DKK2: variants seen among roughly 807,000 people sequenced by gnomAD.
The protein encoded by DKK2 is dickkopf Wnt signaling pathway inhibitor 2, also known as dickkopf-related protein 2.
In DKK2, 11 loss-of-function variants were observed where a neutral mutation model predicts 28.1. The observed-to-expected ratio is 0.39, with a 90% CI of 0.25 to 0.65. The LOEUF is 0.65. Among genes scored for constraint, DKK2 ranks in the 30% least tolerant of loss-of-function variants. DKK2 has a pLI of 0.47. For missense variants in DKK2, 326 were observed against 335.5 expected, an observed-to-expected ratio of 0.97 and a Z score of 0.22; for synonymous variants, 135 against 126.5, an observed-to-expected ratio of 1.07 and a Z score of -0.45.
At chr4:106,963,179 C>A (rs1029708249) in intron 1 of DKK2, among the ~76,000 whole-genome samples, 5 of 151,848 alleles carry the variant, frequency 3.3e-5, no homozygotes, top group Admixed American at 6.6e-5. Flanking sequence ...ACAGTGAAAA[C>A]CCGTCTCTAC....
At chr4:107,020,379 T>G (rs1022648055) in intron 1 of DKK2, among the ~76,000 whole-genome samples, 1 of 152,046 alleles carries the variant, frequency 6.6e-6, no homozygotes, top group East Asian at 1.9e-4. Context: ...TGGAAAGTGA[T>G]GGGAAGACAG....
chr4:106,950,078 G>A (rs1200224348), intron 1 of DKK2, among the ~76,000 whole-genome samples: 4 of 152,120 alleles, frequency 2.6e-5, no homozygotes, highest in African/African-American at 9.7e-5. Context: ...TTACAAACTG[G>A]AATGTCAAGA....
Position 107,035,521 on chromosome 4 carries a change from T to G in DKK2, c.71A>C (p.Glu24Ala). The G allele has an allele frequency of 6.2e-7, 1 of 1,614,194 alleles. No individual in the cohort carries two copies. The highest frequency in any genetic ancestry group is 8.5e-7 in the Non-Finnish European group (1 of 1,180,052). ...LLLLAAVLMV[E>A]SSQIGSSRAK... ...CCGCGAACTGCCGATCTGTGAGCTC[T>G]CCACCATCAGCACCGCGGCCAGTAG... The change falls in exon 1 of 4, where the codon GAG becomes GCG. Residue 24 changes from glutamate (E) to alanine (A), a missense_variant. Transcript: ENST00000285311.
intron 1 of DKK2, among the ~76,000 whole-genome samples, chr4:106,986,743 T>A (rs924774301): frequency 1.7e-4 from 26 of 152,300 alleles, no homozygotes; most frequent in African/African-American, 6.0e-4. Context: ...ATTCTAAATA[T>A]GGAGAGCCTG....
chr4:106,978,432 C>T (rs1398327348), intron 1 of DKK2, among the ~76,000 whole-genome samples: 1 of 152,140 alleles, frequency 6.6e-6, no homozygotes, highest in East Asian at 1.9e-4. Flanking sequence ...TTCATAGTTG[C>T]CCTGCCCAGA....
chr4:107,026,987 T>C (rs1723789935), intron 1 of DKK2, among the ~76,000 whole-genome samples: 2 of 152,090 alleles, frequency 1.3e-5, no homozygotes, highest in Non-Finnish European at 2.9e-5. Context: ...TGCTCACATT[T>C]ATAAGTAGAT....
intron 1 of DKK2, among the ~76,000 whole-genome samples, chr4:107,028,117 CTTAA>C (rs1242769137): frequency 1.8e-4 from 27 of 152,288 alleles, no homozygotes; most frequent in Admixed American, 5.9e-4. Context: ...CCACTAATTA[CTTAA>C]TTATTTGCCA....
intron 1 of DKK2, among the ~76,000 whole-genome samples, chr4:106,947,531 T>G (rs1279565042): frequency 6.6e-6 from 1 of 152,092 alleles, no homozygotes; most frequent in East Asian, 1.9e-4. Context: ...GAATAGTTAC[T>G]CTTGGAGCAG....
At chr4:106,953,738 T>C (rs1305228113) in intron 1 of DKK2, among the ~76,000 whole-genome samples, 1 of 152,178 alleles carries the variant, frequency 6.6e-6, no homozygotes, top group Non-Finnish European at 1.5e-5. Flanking sequence ...TTTCTGACAT[T>C]TCAGAATCAC....
chr4:106,987,888 G>GTATT (rs1723146056), intron 1 of DKK2, among the ~76,000 whole-genome samples: 1 of 135,258 alleles, frequency 7.4e-6, no homozygotes. Flanking sequence ...TTTTTGAGAT[G>GTATT]GAGTCTCAAT....
At chr4:106,953,313 T>G (rs1009899585) in intron 1 of DKK2, among the ~76,000 whole-genome samples, 1 of 152,206 alleles carries the variant, frequency 6.6e-6, no homozygotes, top group Non-Finnish European at 1.5e-5. Flanking sequence ...TAATTGGATT[T>G]CACCTTTCTC....
chr4:106,923,062 G>T lies in DKK2; in HGVS notation c.*892C>A, dbSNP rs1056199098. 1 of 151,888 alleles carries T rather than the reference G, an allele frequency of 6.6e-6. No individual in the cohort carries two copies. The highest frequency in any genetic ancestry group is 1.5e-5 in the Non-Finnish European group (1 of 67,986). 9.4% of individuals were successfully genotyped at this position (151,888 alleles called of 1,614,324 possible). On this transcript the variant is annotated 3_prime_UTR_variant, in exon 4 of 4. Coordinates refer to ENST00000285311, the MANE Select transcript of DKK2 (RefSeq NM_014421.3). ...TGTTAGCTCTTTTCCCACATATATT[G>T]GACATCTTTAAATTTTTTTGCCATC...
intron 2 of DKK2, 88 bp from the exon 3 acceptor site, chr4:106,924,788 G>A: frequency 2.3e-6 from 3 of 1,288,446 alleles, no homozygotes; most frequent in Non-Finnish European, 3.2e-6. Flanking sequence ...GAAATATGAA[G>A]CCATTTATCT....
chr4:106,941,700 C>A (rs1724701905), intron 1 of DKK2, among the ~76,000 whole-genome samples: 1 of 152,060 alleles, frequency 6.6e-6, no homozygotes, highest in South Asian at 2.1e-4. Context: ...AGAGTTTCAG[C>A]ATAATGATAG....
At chr4:106,991,926 G>A (rs567408050) in intron 1 of DKK2, among the ~76,000 whole-genome samples, 6 of 152,204 alleles carry the variant, frequency 3.9e-5, no homozygotes, top group Admixed American at 3.9e-4. Flanking sequence ...CACTGCAGTT[G>A]TTCCTATTCT....
At chr4:106,994,264 T>C (rs1270982794) in intron 1 of DKK2, among the ~76,000 whole-genome samples, 1 of 152,202 alleles carries the variant, frequency 6.6e-6, no homozygotes, top group Admixed American at 6.5e-5. Context: ...AGAGCTTGCC[T>C]GCAATGCTTG....
intron 1 of DKK2, among the ~76,000 whole-genome samples, chr4:107,012,021 C>T (rs1314485421): frequency 6.6e-6 from 1 of 151,218 alleles, no homozygotes; most frequent in Non-Finnish European, 1.5e-5. Flanking sequence ...AGCAGCACCT[C>T]CTCCATTACC....
chr4:106,924,475 GAATT>G, intron 3 of DKK2, 66 bp downstream of exon 3: 1 of 1,522,964 alleles, frequency 6.6e-7, no homozygotes, highest in South Asian at 1.3e-5. Context: ...AAAACCAATG[GAATT>G]AATTATCTAT....
intron 2 of DKK2, among the ~76,000 whole-genome samples, chr4:106,925,097 C>T (rs954457453): frequency 3.9e-5 from 6 of 152,190 alleles, no homozygotes; most frequent in Non-Finnish European, 7.3e-5. Flanking sequence ...ACACTGTAAA[C>T]TTCTCTAATG....
Sources: allele counts gnomAD v4.1 joint callset (sites outside exome capture counted in the v4.1 genomes callset), GRCh38; gene constraint gnomAD v4.1.1; transcripts MANE v1.5; gene names NCBI Gene and HGNC (gene_info 2026-07-23, HGNC 2026-07-21).